The following DCC variants were observed in gnomAD, a reference collection of about 807,000 sequenced individuals.
DCC encodes netrin receptor DCC.
DCC carries 58 observed loss-of-function variants against 172.5 expected under a neutral mutation model. The ratio of observed to expected loss-of-function variants is 0.34; its 90% CI spans 0.27 to 0.42. The LOEUF is 0.42. Ranked by LOEUF, DCC falls within the 10% of genes least tolerant of loss-of-function variation. DCC has a pLI of 1.00. For synonymous variants in DCC, 709 were observed against 644.5 expected (o/e 1.10, Z -1.52); for missense variants, 1,740 against 1,791.0 (o/e 0.97, Z 0.51).
chr18:52,538,520 A>G (rs376977697), intron 1 of DCC, among the ~76,000 whole-genome samples: 4 of 152,084 alleles, frequency 2.6e-5, no homozygotes, highest in African/African-American at 9.7e-5. Context: ...TTTTGTCTCT[A>G]TTATTTAGTA....
At chr18:53,198,512 G>A (rs1171897004) in intron 9 of DCC, among the ~76,000 whole-genome samples, 1 of 151,670 alleles carries the variant, frequency 6.6e-6, no homozygotes, top group Non-Finnish European at 1.5e-5. Context: ...ATGATTATAT[G>A]TAATCAATCA....
chr18:53,141,516 A>G (rs2043830112), intron 7 of DCC, among the ~76,000 whole-genome samples: 1 of 152,186 alleles, frequency 6.6e-6, no homozygotes, highest in African/African-American at 2.4e-5. Context: ...GACACACTAA[A>G]TTGTCTGGAA....
chr18:53,267,673 C>A (rs539932410), intron 12 of DCC, among the ~76,000 whole-genome samples: 102 of 152,074 alleles, frequency 6.7e-4, no homozygotes, highest in African/African-American at 2.4e-3. Flanking sequence ...ACCATCATGC[C>A]CAGGCTAGCC....
intron 17 of DCC, among the ~76,000 whole-genome samples, 176 bp from the exon 18 acceptor site, chr18:53,397,132 A>ATG (rs1909003087): frequency 2.0e-5 from 3 of 150,968 alleles, no homozygotes; most frequent in African/African-American, 7.3e-5. Flanking sequence ...ATGTATAATC[A>ATG]GCCAGCGTGA....
At position 53,435,179 on chromosome 18, in the gene DCC, A is replaced by G. The variant is rs925357634; in HGVS notation, c.3199A>G (p.Thr1067Ala). 1.6e-5 allele frequency: 26 copies of G among 1,610,412 alleles called. No individual in the cohort carries two copies. The highest frequency in any genetic ancestry group is 2.1e-5 in the Non-Finnish European group (25 of 1,176,888). ...AGATGGAGGTTATTGGCCAGTTGAT[A>G]CTAATTTGATTGATAGAAGCACCCT... ...HGDGGYWPVD[T>A]NLIDRSTLNE... is the part of the protein sequence containing the mutation. The change falls in exon 22 of 29, where the codon ACT becomes GCT. Residue 1067 changes from threonine to alanine, a missense_variant. Thr to Ala is a moderately conservative substitution (Grantham distance 58). Around this residue, in one of 2 missense-constraint regions of DCC, gnomAD observed 1,732 missense variants for 1,767.4 expected, o/e 0.98. Transcript: ENST00000442544.
At chr18:53,476,166 G>A (rs1162426928) in intron 25 of DCC, among the ~76,000 whole-genome samples, 2 of 152,178 alleles carry the variant, frequency 1.3e-5, no homozygotes, top group Non-Finnish European at 2.9e-5. Flanking sequence ...GATTTTACAG[G>A]CTGATAGGTG....
chr18:53,281,912 C>A (rs2056877168), intron 12 of DCC, among the ~76,000 whole-genome samples: 1 of 152,074 alleles, frequency 6.6e-6, no homozygotes, highest in Non-Finnish European at 1.5e-5. Context: ...CACAGCTACG[C>A]TGGGGTAGGA....
At chr18:52,725,145 T>C (rs2036533108) in intron 1 of DCC, among the ~76,000 whole-genome samples, 2 of 152,126 alleles carry the variant, frequency 1.3e-5, no homozygotes, top group Non-Finnish European at 2.9e-5. Flanking sequence ...AGGGCCACAC[T>C]TCCTCTGAGG....
chr18:52,772,831 T>C (rs1484854314), intron 2 of DCC, among the ~76,000 whole-genome samples: 3 of 152,224 alleles, frequency 2.0e-5, no homozygotes, highest in African/African-American at 7.2e-5. Context: ...CTCTAAAAGT[T>C]GAAGTTACAG....
chr18:52,940,659 A>C (rs1281334281), intron 5 of DCC, among the ~76,000 whole-genome samples: 1 of 152,212 alleles, frequency 6.6e-6, no homozygotes, highest in Admixed American at 6.5e-5. Context: ...TCAGCTGTGG[A>C]AAGTGTAATT....
Position 53,008,165 on chromosome 18 carries a change from T to A in DCC, c.986-55140T>A, listed in dbSNP as rs191148933. On this transcript the variant is annotated intron_variant, in intron 5 of 28. Coordinates refer to ENST00000442544, the MANE Select transcript of DCC (RefSeq NM_005215.4). ...TAATAAGAAAATATCTTTTTGTGAT[T>A]TGTTTTGAATATCTGTTGAAATTGC... Among the ~76,000 whole-genome samples, 35 of 152,078 alleles carry A rather than the reference T, an allele frequency of 2.3e-4. No individual in the cohort carries two copies. In the East Asian group the frequency reaches 6.8e-3, roughly 29 times the overall value.
intron 2 of DCC, among the ~76,000 whole-genome samples, chr18:52,852,254 C>T (rs1005868857): frequency 2.0e-5 from 3 of 151,986 alleles, no homozygotes; most frequent in African/African-American, 7.2e-5. Context: ...CATCAATATA[C>T]TCTCTAGCTA....
intron 1 of DCC, among the ~76,000 whole-genome samples, chr18:52,440,175 C>A (rs1409423097): frequency 6.6e-6 from 1 of 152,170 alleles, no homozygotes; most frequent in Non-Finnish European, 1.5e-5. Flanking sequence ...GCGCATACCC[C>A]TTCCATCGCA....
chr18:53,220,645 A>C (rs2055917771), intron 12 of DCC, among the ~76,000 whole-genome samples: 1 of 152,230 alleles, frequency 6.6e-6, no homozygotes, highest in Admixed American at 6.6e-5. Context: ...TAAATACAAC[A>C]ATGTTGACTC....
At chr18:53,349,110 C>G (rs1456662212) in intron 15 of DCC, among the ~76,000 whole-genome samples, 2 of 152,148 alleles carry the variant, frequency 1.3e-5, no homozygotes, top group Non-Finnish European at 2.9e-5. Flanking sequence ...AACTGGATGC[C>G]TTTAATGGCA....
chr18:52,867,615 G>A (rs946995907), intron 2 of DCC, among the ~76,000 whole-genome samples: 7 of 151,966 alleles, frequency 4.6e-5, no homozygotes, highest in Non-Finnish European at 7.4e-5. Flanking sequence ...TCTTGGGAGG[G>A]CGTATATGTC....
intron 2 of DCC, among the ~76,000 whole-genome samples, chr18:52,856,468 T>C (rs1020015721): frequency 6.6e-6 from 1 of 150,992 alleles, no homozygotes; most frequent in African/African-American, 2.4e-5. Flanking sequence ...TACTAAAAAA[T>C]ACAAAAAAAT....
intron 1 of DCC, among the ~76,000 whole-genome samples, chr18:52,461,182 G>A (rs1007708721): frequency 3.9e-5 from 6 of 151,948 alleles, no homozygotes; most frequent in African/African-American, 1.5e-4. Context: ...TTTAGATGAA[G>A]ACACAAACAC....
intron 15 of DCC, among the ~76,000 whole-genome samples, chr18:53,352,085 G>T (rs1388734971): frequency 2.0e-5 from 3 of 151,968 alleles, no homozygotes; most frequent in Admixed American, 2.0e-4. Flanking sequence ...TGCAGATAGA[G>T]CACTCTATTG....
Sources: allele counts gnomAD v4.1 joint callset (sites outside exome capture counted in the v4.1 genomes callset), GRCh38; gene constraint gnomAD v4.1.1; regional missense constraint gnomAD v4.1.1; transcripts MANE v1.5; gene names NCBI Gene and HGNC (gene_info 2026-07-23, HGNC 2026-07-21).